The following MACROD2 variants were observed in gnomAD, a reference collection of about 807,000 sequenced individuals.
MACROD2 encodes the protein mono-ADP ribosylhydrolase 2.
Under a neutral mutation model 70.4 loss-of-function variants are expected in MACROD2, and 36 were observed. That is an observed-to-expected ratio of 0.51 (90% confidence interval 0.39 to 0.68). The LOEUF is 0.68. Among genes scored for constraint, MACROD2 ranks in the 30% least tolerant of loss-of-function variants. The pLI is 0.00. For missense variants in MACROD2, 496 were observed against 538.4 expected (o/e 0.92, Z 0.78); for synonymous variants, 172 against 178.8 (o/e 0.96, Z 0.30).
chr20:14,974,145 G>A (rs113234520), intron 5 of MACROD2, among the ~76,000 whole-genome samples: 6 of 152,312 alleles, frequency 3.9e-5, no homozygotes, highest in Non-Finnish European at 7.4e-5. Flanking sequence ...TAAGGAATAC[G>A]TGGAAGTAGA....
chr20:15,031,249 T>TA (rs2075272045), intron 5 of MACROD2, among the ~76,000 whole-genome samples: 1 of 152,182 alleles, frequency 6.6e-6, no homozygotes, highest in South Asian at 2.1e-4. Flanking sequence ...AAGAGGGTGT[T>TA]ACAGCCCTAA....
At chr20:14,102,050 C>T (rs1301013477) in intron 3 of MACROD2, among the ~76,000 whole-genome samples, 1 of 114,596 alleles carries the variant, frequency 8.7e-6, no homozygotes. Flanking sequence ...GTCACTCAGG[C>T]TGGAGTGCAG....
At chr20:15,800,130 A>C (rs973276642) in intron 8 of MACROD2, among the ~76,000 whole-genome samples, 1 of 151,986 alleles carries the variant, frequency 6.6e-6, no homozygotes, top group African/African-American at 2.4e-5. Context: ...TTTTAATGGA[A>C]TTCTTTGTTT....
rs1019539119 is a variant in MACROD2, at chr20:15,270,234, A to G, written c.540+40173A>G. Among the ~76,000 whole-genome samples the G allele has an allele frequency of 3.3e-5, 5 of 151,958 alleles. No homozygotes were observed. The South Asian group carries it at 8.3e-4, about 25-fold the overall frequency. On this transcript the variant is annotated intron_variant, in intron 6 of 17. Transcript: ENST00000684519. ...ATTGCCCCAAGCTAGAAAAAACCCA[A>G]ATGGCTTCCAACAGAGCAATAGTTA...
intron 3 of MACROD2, among the ~76,000 whole-genome samples, chr20:14,455,563 A>C (rs1170371188): frequency 6.6e-6 from 1 of 151,846 alleles, no homozygotes; most frequent in Non-Finnish European, 1.5e-5. Context: ...CAAGAGCAAT[A>C]GATAATATTT....
chr20:14,902,926 G>A (rs1449185849), intron 5 of MACROD2, among the ~76,000 whole-genome samples: 2 of 151,814 alleles, frequency 1.3e-5, no homozygotes, highest in Non-Finnish European at 2.9e-5. Flanking sequence ...CAGAGAAGCA[G>A]TAATACAAGG....
At chr20:15,834,310 C>T (rs757208084) in intron 8 of MACROD2, among the ~76,000 whole-genome samples, 18 of 152,180 alleles carry the variant, frequency 1.2e-4, no homozygotes, top group South Asian at 4.1e-4. Flanking sequence ...ACTGCACTCC[C>T]GTCTGGGCGA....
chr20:16,003,790 C>A (rs1057265200), intron 15 of MACROD2, among the ~76,000 whole-genome samples: 1 of 152,100 alleles, frequency 6.6e-6, no homozygotes, highest in African/African-American at 2.4e-5. Flanking sequence ...CCTGCCTCAG[C>A]CTCCTGAGTA....
chr20:16,023,938 A>G (rs1257409895), intron 15 of MACROD2, among the ~76,000 whole-genome samples: 1 of 152,148 alleles, frequency 6.6e-6, no homozygotes. Flanking sequence ...CTTTTGGTGG[A>G]GAAGTAGAAA....
chr20:14,733,712 A>G (rs1011681026), intron 5 of MACROD2, among the ~76,000 whole-genome samples: 2 of 152,226 alleles, frequency 1.3e-5, no homozygotes. Flanking sequence ...AGAAGCAATT[A>G]TAAAAGCTTT....
intron 4 of MACROD2, among the ~76,000 whole-genome samples, chr20:14,656,388 G>C (rs1985977970): frequency 6.6e-6 from 1 of 152,184 alleles, no homozygotes; most frequent in South Asian, 2.1e-4. Context: ...TGCTTTCAAA[G>C]CACAACCTGA....
chr20:16,033,792 A>ACAC (rs2067186071), intron 15 of MACROD2, among the ~76,000 whole-genome samples: 1 of 150,426 alleles, frequency 6.6e-6, no homozygotes, highest in Admixed American at 6.7e-5. Context: ...ACTAATAGTG[A>ACAC]CACCTCTGAG....
intron 5 of MACROD2, among the ~76,000 whole-genome samples, chr20:15,111,957 A>T (rs2075958868): frequency 6.6e-6 from 1 of 152,176 alleles, no homozygotes; most frequent in Non-Finnish European, 1.5e-5. Flanking sequence ...CTTCATTAGC[A>T]TTTGTGCTCT....
chr20:14,618,226 G>A (rs1983592856), intron 4 of MACROD2, among the ~76,000 whole-genome samples: 1 of 152,034 alleles, frequency 6.6e-6, no homozygotes, highest in African/African-American at 2.4e-5. Flanking sequence ...AGGGAAAAAG[G>A]AATTCAAAAT....
At chr20:16,017,131 T>G (rs1601328751) in intron 15 of MACROD2, among the ~76,000 whole-genome samples, 1 of 152,212 alleles carries the variant, frequency 6.6e-6, no homozygotes, top group East Asian at 1.9e-4. Flanking sequence ...CTGCCCTCTT[T>G]CCTCCAAGTT....
At position 15,879,741 on chromosome 20, in the gene MACROD2, GC is replaced by G. The variant is rs1337189680; in HGVS notation, c.728-6020del. On this transcript the variant is annotated intron_variant, in intron 9 of 17. Transcript: ENST00000684519. ...GGAAAGAGGTTTATCATAGCAAATG[GC>G]CCATATGATTATGAAGGCTGTTAAG... Among the ~76,000 whole-genome samples, 8 of 151,920 alleles carry G rather than the reference GC, an allele frequency of 5.3e-5. No individual in the cohort carries two copies. The East Asian group carries it at 1.6e-3, about 30-fold the overall frequency.
chr20:15,878,263 T>C (rs2064703571), intron 9 of MACROD2, among the ~76,000 whole-genome samples: 1 of 152,128 alleles, frequency 6.6e-6, no homozygotes, highest in African/African-American at 2.4e-5. Context: ...TTAGTGTTAG[T>C]GAGACATCAC....
chr20:14,119,299 C>G (rs1178754083), intron 3 of MACROD2, among the ~76,000 whole-genome samples: 2 of 150,692 alleles, frequency 1.3e-5, no homozygotes, highest in East Asian at 3.9e-4. Flanking sequence ...TCCCAAGTAG[C>G]TGGGATTACC....
intron 4 of MACROD2, among the ~76,000 whole-genome samples, chr20:14,572,842 C>A (rs540103493): frequency 8.7e-5 from 13 of 150,162 alleles, no homozygotes; most frequent in African/African-American, 3.2e-4. Flanking sequence ...TATAATACTC[C>A]AATAAAATAT....
Sources: gnomAD v4.1 joint callset for allele counts (sites outside exome capture counted in the v4.1 genomes callset) on GRCh38, gnomAD v4.1.1 for gene constraint, MANE v1.5 for transcripts, NCBI Gene and HGNC (gene_info 2026-07-23, HGNC 2026-07-21) for gene names.